HTT: variants seen among roughly 807,000 people sequenced by gnomAD.
The protein encoded by HTT is huntingtin, also known as huntington disease protein.
In HTT, 104 loss-of-function variants were observed where a neutral mutation model predicts 362.3. That is an observed-to-expected ratio of 0.29 (90% CI 0.24 to 0.34). The LOEUF (loss-of-function observed/expected upper bound fraction) is 0.34. HTT is among the 10% of genes least tolerant of loss of function. The pLI, the probability that HTT is intolerant of heterozygous loss-of-function variation, is 1.00. For synonymous variants in HTT, 1,577 were observed against 1,548.7 expected (o/e 1.02, Z -0.43); for missense variants, 3,301 against 3,928.6 (o/e 0.84, Z 4.27).
rs1003034147 is a variant in HTT, at chr4:3,241,850, G to A, written c.*1791G>A. 9 of 152,220 alleles carry A rather than the reference G, an allele frequency of 5.9e-5. No homozygotes were observed. Among genetic ancestry groups the A allele is most frequent in the African/African-American group, 1.4e-4 (6 of 41,446 alleles). The allele number at this position is 152,220 out of a possible 1,614,324, so 9.4% of individuals were successfully genotyped here. A position where few individuals can be genotyped will look rare whatever the true frequency, so the allele number is the denominator to read the frequency against. ...GGCCTCCCCCAGCCAGGACCACCTC[G>A]TCCTCGTGGCGGGGCAGCAGGAGCG... On this transcript the variant is annotated 3_prime_UTR_variant, in exon 67 of 67. Transcript: ENST00000355072.
intron 1 of HTT, among the ~76,000 whole-genome samples, chr4:3,080,706 T>C (rs1319767416): frequency 6.6e-6 from 1 of 152,260 alleles, no homozygotes; most frequent in Non-Finnish European, 1.5e-5. Context: ...TACTCCTATG[T>C]TTTCTTCTAA....
At chr4:3,103,940 A>C in intron 4 of HTT, 57 bp downstream of exon 4, 4 of 1,028,006 alleles carry the variant, frequency 3.9e-6, no homozygotes, top group Non-Finnish European at 6.1e-6. Flanking sequence ...TTATAGGTAC[A>C]CGTATTTTGT....
intron 29 of HTT, 101 bp downstream of exon 29, chr4:3,160,493 C>A: frequency 1.3e-6 from 1 of 772,218 alleles, no homozygotes; most frequent in Non-Finnish European, 2.3e-6. Context: ...TCCAGGGTGC[C>A]TCCGGGAGAC....
chr4:3,154,571 G>C, intron 27 of HTT, 152 bp downstream of exon 27: 1 of 1,092,988 alleles, frequency 9.1e-7, no homozygotes, highest in Non-Finnish European at 1.3e-6. Context: ...CAAGATATTA[G>C]AAACTAATGA....
rs1233756916 is a variant in HTT, at chr4:3,186,656, C to T, written c.4926C>T (p.Ala1642=). The stretch of plus-strand genomic sequence containing the variant: ...TAAATACATTATTTGAGATTTTGGC[C>T]CCTTCCTCCCTCCGTCCGGTAGACA... The part of the protein sequence containing the change: ...GVLNTLFEIL[A]PSSLRPVDML... The change falls in exon 38 of 67, where the codon GCC becomes GCT. Residue 1642 remains alanine, a synonymous_variant. Coordinates refer to ENST00000355072, the MANE Select transcript of HTT (RefSeq NM_001388492.1). The T allele has an allele frequency of 1.9e-6, 3 of 1,613,508 alleles. No homozygotes were observed. Among genetic ancestry groups the T allele is most frequent in the Non-Finnish European group, 2.5e-6 (3 of 1,179,644 alleles).
chr4:3,154,933 A>G (rs1226268194), intron 27 of HTT, among the ~76,000 whole-genome samples: 1 of 152,192 alleles, frequency 6.6e-6, no homozygotes, highest in African/African-American at 2.4e-5. Flanking sequence ...TTTTTTACCC[A>G]TGAAAAGGTC....
intron 1 of HTT, among the ~76,000 whole-genome samples, chr4:3,075,437 A>G (rs1712471345): frequency 6.6e-6 from 1 of 152,176 alleles, no homozygotes; most frequent in Non-Finnish European, 1.5e-5. Flanking sequence ...TTTATTTGCG[A>G]GAAACCAGGG....
intron 41 of HTT, among the ~76,000 whole-genome samples, chr4:3,201,993 C>G (rs1168245594): frequency 6.6e-6 from 1 of 152,220 alleles, no homozygotes; most frequent in East Asian, 1.9e-4. Flanking sequence ...CAGATGGGAG[C>G]TGGCTCCAGG....
intron 18 of HTT, among the ~76,000 whole-genome samples, chr4:3,133,968 G>A (rs1046957617): frequency 6.6e-6 from 1 of 152,124 alleles, no homozygotes; most frequent in African/African-American, 2.4e-5. Flanking sequence ...ACAGCAGTAG[G>A]GGCCTGTTCT....
chr4:3,134,593 T>C (rs1560563056), intron 19 of HTT, 53 bp downstream of exon 19: 1 of 1,489,710 alleles, frequency 6.7e-7, no homozygotes, highest in Non-Finnish European at 9.3e-7. Context: ...TTGAAAGTTC[T>C]GGGATCACTT....
intron 64 of HTT, among the ~76,000 whole-genome samples, chr4:3,237,418 C>G (rs940458609): frequency 6.6e-6 from 1 of 152,224 alleles, no homozygotes; most frequent in East Asian, 1.9e-4. Flanking sequence ...TCTTCAGTCC[C>G]CATATGCTCA....
intron 5 of HTT, among the ~76,000 whole-genome samples, chr4:3,106,020 G>T (rs988284743): frequency 6.6e-6 from 1 of 152,164 alleles, no homozygotes; most frequent in African/African-American, 2.4e-5. Context: ...GCTCCATCCT[G>T]AGTCACTGGG....
chr4:3,115,675 C>T (rs1714985302), intron 7 of HTT, among the ~76,000 whole-genome samples: 1 of 152,184 alleles, frequency 6.6e-6, no homozygotes, highest in African/African-American at 2.4e-5. Context: ...TGAGCCCTGT[C>T]TGCCACCCAG....
intron 27 of HTT, among the ~76,000 whole-genome samples, chr4:3,156,206 G>A (rs1032152146): frequency 2.6e-5 from 4 of 152,022 alleles, no homozygotes; most frequent in East Asian, 1.9e-4. Flanking sequence ...TGCAACCTCC[G>A]CCTCCCAGGT....
In HTT at chr4:3,099,140, C is replaced by T. The variant is rs1714015589; in HGVS notation, c.348-134C>T. ...TATTAACTTAAGTCCAGACTTTATT[C>T]AGATTTTCTTAATTTCTATGTAATG... On this transcript the variant is annotated intron_variant, in intron 2 of 66. Transcript: ENST00000355072. 3 of 599,034 alleles carry T rather than the reference C, an allele frequency of 5.0e-6. No homozygotes were observed. In the African/African-American group the frequency reaches 5.6e-5, roughly 11 times the overall value. The allele number at this position is 599,034 out of a possible 1,614,324, so 37.1% of individuals were successfully genotyped here.
intron 29 of HTT, among the ~76,000 whole-genome samples, chr4:3,166,517 C>A (rs550518225): frequency 2.4e-4 from 36 of 152,342 alleles, no homozygotes; most frequent in Non-Finnish European, 3.4e-4. Flanking sequence ...ATGTGCCCTT[C>A]CCCCAGAGGT....
chr4:3,153,228 A>G (rs1017569461), intron 26 of HTT, among the ~76,000 whole-genome samples: 2 of 152,074 alleles, frequency 1.3e-5, no homozygotes, highest in African/African-American at 2.4e-5. Flanking sequence ...AATCTCATTC[A>G]TGAGGGGTCT....
intron 29 of HTT, among the ~76,000 whole-genome samples, chr4:3,161,694 AT>A (rs1050457227): frequency 6.6e-6 from 1 of 152,034 alleles, no homozygotes; most frequent in African/African-American, 2.4e-5. Context: ...ATTTTTTCGT[AT>A]GTCTGTTGGC....
At chr4:3,192,372 C>T (rs1237260721) in intron 40 of HTT, among the ~76,000 whole-genome samples, 1 of 152,162 alleles carries the variant, frequency 6.6e-6, no homozygotes, top group Non-Finnish European at 1.5e-5. Context: ...CCCACCACGC[C>T]CAGTCTCATC....
Sources: allele counts gnomAD v4.1 joint callset (sites outside exome capture counted in the v4.1 genomes callset), GRCh38; gene constraint gnomAD v4.1.1; transcripts MANE v1.5; gene names NCBI Gene and HGNC (gene_info 2026-07-23, HGNC 2026-07-21).